Variants in B3GAT2 observed in about 807,000 individuals in gnomAD.
B3GAT2 encodes galactosylgalactosylxylosylprotein 3-beta-glucuronosyltransferase 2.
Under a neutral mutation model 27.8 loss-of-function variants are expected in B3GAT2, and 26 were observed. The ratio of observed to expected loss-of-function variants is 0.93; its 90% CI spans 0.68 to 1.30. The LOEUF (loss-of-function observed/expected upper bound fraction) is 1.30. B3GAT2 is among the 50% of genes most tolerant of loss of function. The pLI is 0.00. For synonymous variants in B3GAT2, 218 were observed against 195.1 expected, an observed-to-expected ratio of 1.12 and a Z score of -0.98; for missense variants, 458 against 459.0, an observed-to-expected ratio of 1.00 and a Z score of 0.02.
intron 1 of B3GAT2, among the ~76,000 whole-genome samples, chr6:70,933,650 A>C (rs956858683): frequency 1.3e-5 from 2 of 152,218 alleles, no homozygotes; most frequent in South Asian, 4.1e-4. Context: ...TTCATCTTGC[A>C]ATGCCAAGTT....
chr6:70,866,527 T>C (rs1280795084), intron 2 of B3GAT2, among the ~76,000 whole-genome samples: 1 of 152,092 alleles, frequency 6.6e-6, no homozygotes, highest in Non-Finnish European at 1.5e-5. Context: ...ACCTCAGTGA[T>C]GAAAAATACA....
At position 70,860,815 on chromosome 6, in the gene B3GAT2, A is replaced by C. The variant is rs1160169273; in HGVS notation, c.*848T>G. 2 of 397,462 alleles carry C rather than the reference A, an allele frequency of 5.0e-6. No homozygotes were observed. The highest frequency in any genetic ancestry group is 8.9e-6 in the Non-Finnish European group (2 of 225,178). The allele number at this position is 397,462 out of a possible 1,614,324, so 24.6% of individuals were successfully genotyped here. ...TTTTCTAGTGTATCAAAATGCTCTT[A>C]TTTCATCATTCACTTCACTGTGCTG... is the stretch of plus-strand genomic sequence containing the variant. On this transcript the variant is annotated 3_prime_UTR_variant, in exon 4 of 4. Transcript: ENST00000230053.
Position 70,861,969 on chromosome 6 carries a change from AC to A in B3GAT2, c.745del (p.Val249Ter). 1.2e-6 allele frequency: 2 copies of A among 1,607,428 alleles called. No homozygotes were observed. The highest frequency in any genetic ancestry group is 1.7e-6 in the Non-Finnish European group (2 of 1,176,338). On this transcript the variant is annotated frameshift_variant, in exon 3 of 4. Coordinates refer to ENST00000230053, the MANE Select transcript of B3GAT2 (RefSeq NM_080742.3). LOFTEE classifies it high-confidence loss of function. ...PFAIDMAGFA[V>X]SLQVILSNPK... ...ATTGGACAAAATGACTTGAAGACTT[AC>A]AGCAAATCCTTTGTGAAAAATAAAA... is the stretch of plus-strand genomic sequence containing the variant.
At chr6:70,913,951 C>T (rs1772728226) in intron 1 of B3GAT2, among the ~76,000 whole-genome samples, 1 of 151,996 alleles carries the variant, frequency 6.6e-6, no homozygotes, top group African/African-American at 2.4e-5. Context: ...TTATGTCATG[C>T]GCTTGTCTTT....
chr6:70,938,010 T>TCTC lies in B3GAT2; in HGVS notation c.591+17826_591+17828dup, dbSNP rs1490058543. Among the ~76,000 whole-genome samples, 166 of 151,416 alleles carry TCTC rather than the reference T, an allele frequency of 1.1e-3. 3 individuals are homozygous for TCTC. The highest frequency in any genetic ancestry group is 3.8e-3 in the African/African-American group (155 of 41,292). The stretch of plus-strand genomic sequence containing the variant: ...ATTGTATATCTACAAAACCCCATTG[T>TCTC]CTCAGCCAAAAATCTCCTTAAGCTG... On this transcript the variant is annotated intron_variant, in intron 1 of 3. Transcript: ENST00000230053.
At chr6:70,909,666 G>T (rs1289389748) in intron 1 of B3GAT2, among the ~76,000 whole-genome samples, 2 of 152,190 alleles carry the variant, frequency 1.3e-5, no homozygotes, top group African/African-American at 2.4e-5. Context: ...CAGAATAAAT[G>T]ATGTGTATTT....
chr6:70,956,674 C>G lies in B3GAT2; in HGVS notation c.-245G>C. The G allele has an allele frequency of 7.4e-7, 1 of 1,358,556 alleles. No homozygotes were observed. The highest frequency in any genetic ancestry group is 1.5e-5 in the African/African-American group (1 of 65,428). 84.2% of individuals were successfully genotyped at this position (1,358,556 alleles called of 1,614,324 possible). A position where few individuals can be genotyped will look rare whatever the true frequency, so the allele number is the denominator to read the frequency against. On this transcript the variant is annotated 5_prime_UTR_variant, in exon 1 of 4. Coordinates refer to ENST00000230053, the MANE Select transcript of B3GAT2 (RefSeq NM_080742.3). ...GGGCGGGCAGGGGCTGCCCCCGACT[C>G]CAGGTGAGCTGGCGGGAAGCGGGAC... is the stretch of plus-strand genomic sequence containing the variant.
intron 2 of B3GAT2, among the ~76,000 whole-genome samples, chr6:70,873,198 C>T (rs1168761886): frequency 1.3e-5 from 2 of 150,626 alleles, no homozygotes; most frequent in Non-Finnish European, 3.0e-5. Context: ...CATCCTTTCA[C>T]TTTTGCCTAA....
At chr6:70,902,294 C>T (rs1460844486) in intron 1 of B3GAT2, among the ~76,000 whole-genome samples, 1 of 151,766 alleles carries the variant, frequency 6.6e-6, no homozygotes, top group Non-Finnish European at 1.5e-5. Context: ...AAAGGACAGT[C>T]TCTTCAGCAA....
At chr6:70,910,547 TACC>T (rs1772673532) in intron 1 of B3GAT2, among the ~76,000 whole-genome samples, 1 of 152,234 alleles carries the variant, frequency 6.6e-6, no homozygotes, top group South Asian at 2.1e-4. Context: ...GGTGTATATG[TACC>T]ACATTTTCTT....
At chr6:70,901,093 G>A (rs7765174) in intron 1 of B3GAT2, among the ~76,000 whole-genome samples, 25,544 of 152,110 alleles carry the variant, frequency 0.17, 2,505 homozygotes, top group African/African-American at 0.28. Context: ...GTCCCTAAAC[G>A]TGATTTTCCA....
chr6:70,888,510 G>A (rs2150029343), intron 2 of B3GAT2, among the ~76,000 whole-genome samples: 1 of 152,212 alleles, frequency 6.6e-6, no homozygotes, highest in East Asian at 1.9e-4. Flanking sequence ...AATAGCTGTG[G>A]TATTTAAGAC....
intron 1 of B3GAT2, among the ~76,000 whole-genome samples, chr6:70,937,652 CA>C (rs1277443993): frequency 6.6e-6 from 1 of 151,490 alleles, no homozygotes; most frequent in African/African-American, 2.4e-5. Context: ...AGACAAAAAC[CA>C]CATGATTATC....
Position 70,921,710 on chromosome 6 carries a change from T to C in B3GAT2, c.592-27438A>G, listed in dbSNP as rs753069539. 1.3e-3 allele frequency among the ~76,000 whole-genome samples: 193 copies of C among 152,356 alleles called. 1 individual carries two copies. Among genetic ancestry groups the C allele is most frequent in the Non-Finnish European group, 1.7e-3 (118 of 68,036 alleles). On this transcript the variant is annotated intron_variant, in intron 1 of 3. Coordinates refer to ENST00000230053, the MANE Select transcript of B3GAT2 (RefSeq NM_080742.3). ...GAGTTCTTGCATTGATTCTTTCTCA[T>C]CTGTGTGGGCTGACATTCCTTTAAT... is the stretch of plus-strand genomic sequence containing the variant.
Position 70,862,610 on chromosome 6 carries a change from GT to G in B3GAT2, c.737-633del, listed in dbSNP as rs368518032. ...AGATATCAGGCCATCATCTGATAAA[GT>G]TTTTTTTTGGTATTTCATTTACCAA... is the stretch of plus-strand genomic sequence containing the variant. On this transcript the variant is annotated intron_variant, in intron 2 of 3. Transcript: ENST00000230053. Among the ~76,000 whole-genome samples the G allele has an allele frequency of 5.7e-4, 87 of 151,562 alleles. 2 individuals carry two copies. The East Asian group carries it at 0.015, about 26-fold the overall frequency.
rs145529722 is a variant in B3GAT2, at chr6:70,952,675, A to G, written c.591+3164T>C. On this transcript the variant is annotated intron_variant, in intron 1 of 3. Coordinates refer to ENST00000230053, the MANE Select transcript of B3GAT2 (RefSeq NM_080742.3). ...ACAGGAAGAAGAGGAGTAGCTGTTGAGATTTTTGAAACCTGAAAAACCCCA... is the reference window on the plus strand; with the variant it reads ...ACAGGAAGAAGAGGAGTAGCTGTTGGGATTTTTGAAACCTGAAAAACCCCA... Among the ~76,000 whole-genome samples, 1,179 of 152,300 alleles carry G rather than the reference A, an allele frequency of 7.7e-3. 7 individuals carry two copies. The highest frequency in any genetic ancestry group is 0.013 in the Non-Finnish European group (889 of 68,016).
intron 1 of B3GAT2, among the ~76,000 whole-genome samples, chr6:70,900,569 G>T (rs900629749): frequency 2.6e-5 from 4 of 152,162 alleles, no homozygotes; most frequent in Non-Finnish European, 5.9e-5. Flanking sequence ...ATTTTCTATA[G>T]AGTTGGGGTC....
In B3GAT2 at chr6:70,861,710, C is replaced by CTAGAT. The variant is rs1246989113; in HGVS notation, c.920_924dup (p.Ala309IlefsTer2). The CTAGAT allele has an allele frequency of 2.5e-6, 4 of 1,614,070 alleles. No homozygotes were observed. The highest frequency in any genetic ancestry group is 2.2e-5 in the East Asian group (1 of 44,872). ...TCCAGGTGGTACTTTGGCTCGTTGG[C>CTAGAT]TAGATTAACCTTCTCTGTCCGAGTG... On this transcript the variant is annotated frameshift_variant, in exon 4 of 4. Transcript: ENST00000230053. LOFTEE classifies it high-confidence loss of function.
chr6:70,866,260 G>A (rs1220523815), intron 2 of B3GAT2, among the ~76,000 whole-genome samples: 1 of 152,138 alleles, frequency 6.6e-6, no homozygotes, highest in East Asian at 1.9e-4. Flanking sequence ...CTGTTGTAAG[G>A]TCAAATTGAT....
Sources: allele counts gnomAD v4.1 joint callset (sites outside exome capture counted in the v4.1 genomes callset), GRCh38; gene constraint gnomAD v4.1.1; transcripts MANE v1.5; gene names NCBI Gene and HGNC (gene_info 2026-07-23, HGNC 2026-07-21).